The following PLEKHG2 variants were observed in gnomAD, a reference collection of about 807,000 sequenced individuals.
PLEKHG2 encodes the protein pleckstrin homology and RhoGEF domain containing G2, also known as pleckstrin homology domain-containing family G member 2.
In PLEKHG2, 71 loss-of-function variants were observed where a neutral mutation model predicts 104.4. The ratio of observed to expected loss-of-function variants is 0.68; its 90% confidence interval spans 0.56 to 0.83. PLEKHG2 has a LOEUF of 0.83. Among genes scored for constraint, PLEKHG2 ranks in the 40% least tolerant of loss-of-function variants. The pLI is 0.00. For missense variants in PLEKHG2, 1,730 were observed against 1,809.4 expected, an observed-to-expected ratio of 0.96 and a Z score of 0.80; for synonymous variants, 728 against 737.0, an observed-to-expected ratio of 0.99 and a Z score of 0.20.
Position 39,417,696 on chromosome 19 carries a change from G to A in PLEKHG2, c.882+4G>A. On this transcript the variant is annotated splice_donor_region_variant and intron_variant, in intron 8 of 18. Coordinates refer to ENST00000425673, the MANE Select transcript of PLEKHG2 (RefSeq NM_022835.3). ...GGAGCATGCAGCGCGCCTCCAGGTG[G>A]CCCCAGGGTGGGCTGGGGCTTGCTG... The A allele has an allele frequency of 2.0e-6, 3 of 1,521,728 alleles. No individual in the cohort carries two copies. The highest frequency in any genetic ancestry group is 2.7e-6 in the Non-Finnish European group (3 of 1,127,034). The allele number at this position is 1,521,728 out of a possible 1,614,324, so 94.3% of individuals were successfully genotyped here.
Position 39,425,345 on chromosome 19 carries a change from A to C in PLEKHG2, c.*51A>C. 6.4e-7 allele frequency: 1 copy of C among 1,556,970 alleles called. No individual in the cohort carries two copies. Among genetic ancestry groups the C allele is most frequent in the Non-Finnish European group, 8.7e-7 (1 of 1,154,832 alleles). ...CAAGGATTTCAGCCAGATGCCATAG[A>C]CCCTCAGAACTTGACCTGGAAGTCC... On this transcript the variant is annotated 3_prime_UTR_variant, in exon 19 of 19. Coordinates refer to ENST00000425673, the MANE Select transcript of PLEKHG2 (RefSeq NM_022835.3).
rs775514717 is a variant in PLEKHG2, at chr19:39,415,228, G to T, written c.346G>T (p.Ala116Ser). The part of the protein sequence containing the change: ...VAREIVETER[A>S]YVRDLRSIVE... ...CCGGGAGATCGTGGAGACAGAACGG[G>T]CCTATGTCAGGGACCTCCGCAGCAT... The change falls in exon 3 of 19, where the codon GCC (alanine) becomes TCC (serine). Residue 116 changes from alanine to serine, a missense_variant. Coordinates refer to ENST00000425673, the MANE Select transcript of PLEKHG2 (RefSeq NM_022835.3). This position sits in a 1 kb window ranked among gnomAD's most constrained non-coding sequence, Gnocchi z 4.6. 1.0e-5 allele frequency: 16 copies of T among 1,584,676 alleles called. No individual in the cohort carries two copies. In the African/African-American group the frequency reaches 1.2e-4, roughly 12 times the overall value.
At position 39,420,985 on chromosome 19, in the gene PLEKHG2, G is replaced by T. The variant is rs184059866; in HGVS notation, c.1436G>T (p.Arg479Leu). The stretch of plus-strand genomic sequence containing the variant: ...GGGCCCTCTGTGATTCGCCGAGGCC[G>T]CAGGCAGTCTGGTGAGCACTCACCC... ...SPGPSVIRRGRRQSEPVKDPY... is the reference protein window; with the variant it reads ...SPGPSVIRRGLRQSEPVKDPY... The change falls in exon 14 of 19, where the codon CGC (arginine) becomes CTC (leucine). Residue 479 changes from arginine to leucine, a missense_variant. By Grantham distance (102) the Arg-to-Leu change is moderately radical. Coordinates refer to ENST00000425673, the MANE Select transcript of PLEKHG2 (RefSeq NM_022835.3). 1.9e-6 allele frequency: 3 copies of T among 1,613,940 alleles called. No homozygotes were observed. The highest frequency in any genetic ancestry group is 1.7e-6 in the Non-Finnish European group (2 of 1,180,006).
At chr19:39,414,314 G>A (rs2078566899) in intron 2 of PLEKHG2, 119 bp downstream of exon 2, 4 of 1,073,046 alleles carry the variant, frequency 3.7e-6, no homozygotes, top group Non-Finnish European at 5.4e-6. Context: ...AGTCTGGTGG[G>A]GAAGGCGGGC....
chr19:39,414,817 A>T lies in PLEKHG2; in HGVS notation c.110-175A>T, dbSNP rs559877364. Among the ~76,000 whole-genome samples the T allele has an allele frequency of 2.0e-5, 3 of 152,240 alleles. No individual in the cohort carries two copies. In the South Asian group the frequency reaches 6.2e-4, roughly 32 times the overall value. Reference sequence around the variant, plus strand: ...AATGGAGGCCAGAAGTCCAGAGAGGACCCTGATGGGAGAGGATGGGACTGG... The same window carrying T: ...AATGGAGGCCAGAAGTCCAGAGAGGTCCCTGATGGGAGAGGATGGGACTGG... On this transcript the variant is annotated intron_variant, in intron 2 of 18. Coordinates refer to ENST00000425673, the MANE Select transcript of PLEKHG2 (RefSeq NM_022835.3).
At chr19:39,419,673 C>G (rs191513735) in intron 11 of PLEKHG2, among the ~76,000 whole-genome samples, 5 of 151,412 alleles carry the variant, frequency 3.3e-5, no homozygotes, top group Non-Finnish European at 7.4e-5. Context: ...GTCCGGAGAT[C>G]GAGACCATCC....
At position 39,416,703 on chromosome 19, in the gene PLEKHG2, G is replaced by A; in HGVS notation, c.593+106G>A. Reference sequence around the variant, plus strand: ...CCCGACCCATCCAGCACCGACCCCTGCCAGGCTGTGACAGTAACTGACCTC... The same window carrying A: ...CCCGACCCATCCAGCACCGACCCCTACCAGGCTGTGACAGTAACTGACCTC... On this transcript the variant is annotated intron_variant, in intron 6 of 18. Coordinates refer to ENST00000425673, the MANE Select transcript of PLEKHG2 (RefSeq NM_022835.3). The surrounding 1 kb of genome is among the most constrained non-coding windows in gnomAD (Gnocchi z 4.5). The A allele has an allele frequency of 1.3e-6, 2 of 1,497,762 alleles. No homozygotes were observed. The highest frequency in any genetic ancestry group is 1.8e-6 in the Non-Finnish European group (2 of 1,087,082). The allele number at this position is 1,497,762 out of a possible 1,614,324, so 92.8% of individuals were successfully genotyped here.
Position 39,423,420 on chromosome 19 carries a change from T to G in PLEKHG2, c.2366T>G (p.Leu789Arg). The change falls in exon 18 of 19, where the codon CTG becomes CGG. Residue 789 changes from leucine to arginine, a missense_variant. Physicochemically the swap from Leu to Arg is moderately radical, Grantham distance 102. Transcript: ENST00000425673. ...CGGCCAGGCTTCCCAGAGCCACTGCTGATCCTGGAGGATTCGGATCTGGGT... is the reference window on the plus strand; with the variant it reads ...CGGCCAGGCTTCCCAGAGCCACTGCGGATCCTGGAGGATTCGGATCTGGGT... ...LARPGFPEPL[L>R]ILEDSDLGGD... 2 of 1,611,110 alleles carry G rather than the reference T, an allele frequency of 1.2e-6. No homozygotes were observed. The highest frequency in any genetic ancestry group is 1.7e-6 in the Non-Finnish European group (2 of 1,178,532).
chr19:39,423,911 C>A lies in PLEKHG2; in HGVS notation c.2778C>A (p.Asp926Glu), dbSNP rs1187288068. 6.2e-7 allele frequency: 1 copy of A among 1,614,104 alleles called. No homozygotes were observed. The highest frequency in any genetic ancestry group is 1.7e-5 in the Admixed American group (1 of 60,004). The change falls in exon 19 of 19, where the codon GAC (aspartate) becomes GAA (glutamate). Residue 926 changes from aspartate to glutamate, a missense_variant. Coordinates refer to ENST00000425673, the MANE Select transcript of PLEKHG2 (RefSeq NM_022835.3). ...GLHVSNLPKQ[D>E]LPGIHVSAAT... Reference sequence around the variant, plus strand: ...ATGTTTCCAATTTGCCTAAGCAAGACCTTCCGGGCATCCACGTTTCAGCTG... The same window carrying A: ...ATGTTTCCAATTTGCCTAAGCAAGAACTTCCGGGCATCCACGTTTCAGCTG...
chr19:39,421,356 AG>A, intron 16 of PLEKHG2, 57 bp downstream of exon 16: 1 of 1,569,512 alleles, frequency 6.4e-7, no homozygotes, highest in Non-Finnish European at 8.8e-7. Context: ...CTGATGGAGA[AG>A]GGAGCTTGAG....
chr19:39,427,355 ACGGAGTTT>A lies in PLEKHG2; in HGVS notation c.*2064_*2071del, dbSNP rs2078793929. ...AATCCGAATTTTTTTTTTTTTTTAG[ACGGAGTTT>A]CGCTCTTGTTGCCCAGGCTGGAGTT... On this transcript the variant is annotated 3_prime_UTR_variant, in exon 19 of 19. Transcript: ENST00000425673. The A allele has an allele frequency of 7.4e-6, 1 of 135,700 alleles. No homozygotes were observed. Among genetic ancestry groups the A allele is most frequent in the African/African-American group, 2.9e-5 (1 of 34,794 alleles). The allele number at this position is 135,700 out of a possible 1,614,324, so 8.4% of individuals were successfully genotyped here. A position where few individuals can be genotyped will look rare whatever the true frequency, so the allele number is the denominator to read the frequency against.
chr19:39,418,006 C>T lies in PLEKHG2; in HGVS notation c.984C>T (p.Pro328=). 4 of 1,560,182 alleles carry T rather than the reference C, an allele frequency of 2.6e-6. No individual in the cohort carries two copies. The highest frequency in any genetic ancestry group is 3.5e-6 in the Non-Finnish European group (4 of 1,154,310). The change falls in exon 9 of 19, where the codon CCC becomes CCT. Residue 328 remains proline, a synonymous_variant. Transcript: ENST00000425673. ...TCCGAGGAGGCGGAGGGGGTGGCCC[C>T]CGGCTACGAGGGGGTGAGCGGCTGC... ...GAFRGGGGGG[P]RLRGGERLLF...
Position 39,422,838 on chromosome 19 carries a change from A to G in PLEKHG2, c.1784A>G (p.Glu595Gly). The change falls in exon 18 of 19, where the codon GAG (glutamate) becomes GGG (glycine). Residue 595 changes from glutamate (E) to glycine (G), a missense_variant. Physicochemically the swap from Glu to Gly is moderately conservative, Grantham distance 98. Transcript: ENST00000425673. The stretch of plus-strand genomic sequence containing the variant: ...CCCAGCCGGGACTCTTCAGAAGAGG[A>G]GGAGGAGGAAGAGGAAGGGCTGGAG... ...ALPSRDSSEE[E>G]EEEEEGLEMD... 1 of 1,564,468 alleles carries G rather than the reference A, an allele frequency of 6.4e-7. No individual in the cohort carries two copies. The highest frequency in any genetic ancestry group is 8.7e-7 in the Non-Finnish European group (1 of 1,153,852).
At position 39,414,139 on chromosome 19, in the gene PLEKHG2, G is replaced by T. The variant is rs369860664; in HGVS notation, c.53G>T (p.Gly18Val). The T allele has an allele frequency of 1.9e-5, 30 of 1,551,468 alleles. No individual in the cohort carries two copies. Among genetic ancestry groups the T allele is most frequent in the Non-Finnish European group, 2.5e-5 (29 of 1,146,922 alleles). ...LSLSKPSPSL[G>V]CGRRGEVCDC... ...CTCTCCAAACCTAGCCCAAGCCTCG[G>T]GTGTGGCCGAAGAGGTGAAGTGTGT... The change falls in exon 2 of 19, where the codon GGG becomes GTG. Residue 18 changes from glycine to valine, a missense_variant. Physicochemically the swap from Gly to Val is moderately radical, Grantham distance 109. Transcript: ENST00000425673.
Position 39,424,937 on chromosome 19 carries a change from G to C in PLEKHG2, c.3804G>C (p.Gln1268His). The C allele has an allele frequency of 6.2e-7, 1 of 1,614,224 alleles. No individual in the cohort carries two copies. Among genetic ancestry groups the C allele is most frequent in the East Asian group, 2.2e-5 (1 of 44,886 alleles). The stretch of plus-strand genomic sequence containing the variant: ...ATAGTCCCCCACCTTCCAGCCGTCA[G>C]CTCCTGGGCCCCAATGCAGCTGCCC... ...PPHSPPPSSRQLLGPNAAALS... is the reference protein window; with the variant it reads ...PPHSPPPSSRHLLGPNAAALS... The change falls in exon 19 of 19, where the codon CAG becomes CAC. Residue 1268 changes from glutamine to histidine, a missense_variant. Physicochemically the swap from Gln to His is conservative, Grantham distance 24. Coordinates refer to ENST00000425673, the MANE Select transcript of PLEKHG2 (RefSeq NM_022835.3).
chr19:39,423,682 GT>G, intron 18 of PLEKHG2, 29 bp downstream of exon 18: 1 of 1,561,336 alleles, frequency 6.4e-7, no homozygotes, highest in South Asian at 1.2e-5. Flanking sequence ...GTTGGCAGAG[GT>G]GGTCCCCGCT....
At position 39,415,925 on chromosome 19, in the gene PLEKHG2, T is replaced by G. The variant is rs2078596565; in HGVS notation, c.480-423T>G. Among the ~76,000 whole-genome samples, 1 of 152,148 alleles carries G rather than the reference T, an allele frequency of 6.6e-6. No homozygotes were observed. ...TTTCCAGTTTTAGCACTGAAAGCCC[T>G]CGTCCTAGGAAACTGCTCAGTCCCG... On this transcript the variant is annotated intron_variant, in intron 4 of 18. Transcript: ENST00000425673. The surrounding 1 kb of genome is among the most constrained non-coding windows in gnomAD (Gnocchi z 4.6).
In PLEKHG2 at chr19:39,413,283, A is replaced by T. The variant is rs1029275980; in HGVS notation, c.-152A>T. On this transcript the variant is annotated 5_prime_UTR_variant, in exon 1 of 19. Transcript: ENST00000425673. This position sits in a 1 kb window ranked among gnomAD's most constrained non-coding sequence, Gnocchi z 4.5. ...GACCCCAGTCTCCGAGAGACCCCAG[A>T]TTCTATTCCTGGAGCCTGAGAGCCC... The T allele has an allele frequency of 1.3e-5, 2 of 152,146 alleles. No individual in the cohort carries two copies. Among genetic ancestry groups the T allele is most frequent in the Non-Finnish European group, 2.9e-5 (2 of 68,078 alleles). The allele number at this position is 152,146 out of a possible 1,614,324, so 9.4% of individuals were successfully genotyped here.
Position 39,422,248 on chromosome 19 carries a change from T to G in PLEKHG2, c.1637T>G (p.Ile546Ser). The part of the protein sequence containing the change: ...DPSGTSITEE[I>S]LELLNQRGLR... ...TCTGGGACCTCAATCACTGAAGAAA[T>G]CCTGGAACTGCTGAATCAGCGAGGC... Residue 546 changes from isoleucine to serine, a missense_variant, in exon 17 of 19, where the codon ATC (isoleucine) becomes AGC (serine). Ile to Ser is a moderately radical substitution (Grantham distance 142). Transcript: ENST00000425673. 1 of 1,613,568 alleles carries G rather than the reference T, an allele frequency of 6.2e-7. No individual in the cohort carries two copies. The highest frequency in any genetic ancestry group is 8.5e-7 in the Non-Finnish European group (1 of 1,179,790).
Sources: gnomAD v4.1 joint callset for allele counts (sites outside exome capture counted in the v4.1 genomes callset) on GRCh38, gnomAD v4.1.1 for gene constraint, Gnocchi (gnomAD v3.1) non-coding constraint, MANE v1.5 for transcripts, NCBI Gene and HGNC (gene_info 2026-07-23, HGNC 2026-07-21) for gene names.